Variants in KCNC3 observed in about 807,000 individuals in gnomAD.
KCNC3 encodes the protein potassium voltage-gated channel subfamily C member 3.
In KCNC3, 22 loss-of-function variants were observed where a neutral mutation model predicts 43.9. That is an observed-to-expected ratio of 0.50 (90% CI 0.36 to 0.72). The LOEUF (loss-of-function observed/expected upper bound fraction) is 0.72. Among genes scored for constraint, KCNC3 ranks in the 30% least tolerant of loss-of-function variants. The probability of loss-of-function intolerance (pLI) is 0.00; values close to 1 mark genes in which losing one functional copy is unlikely to be tolerated. For missense variants in KCNC3, 829 were observed against 1,073.8 expected (o/e 0.77, Z 3.19); for synonymous variants, 492 against 488.0 (o/e 1.01, Z -0.11).
chr19:50,317,173 TG>T (rs1005754048), intron 4 of KCNC3, among the ~76,000 whole-genome samples: 3 of 118,390 alleles, frequency 2.5e-5, no homozygotes, highest in African/African-American at 6.6e-5. Context: ...GGGAGGGGAG[TG>T]GGGGGGTAAT....
intron 4 of KCNC3, among the ~76,000 whole-genome samples, chr19:50,317,766 T>C (rs887131525): frequency 6.6e-6 from 1 of 152,208 alleles, no homozygotes; most frequent in African/African-American, 2.4e-5. Context: ...CTCCAGGTTC[T>C]GTGTCACCTC....
At chr19:50,317,377 T>A (rs2123519951) in intron 4 of KCNC3, among the ~76,000 whole-genome samples, 1 of 152,044 alleles carries the variant, frequency 6.6e-6, no homozygotes, top group Admixed American at 6.5e-5. Context: ...GGGGTTTAGG[T>A]GAGGCCATTC....
Position 50,314,782 on chromosome 19 carries a change from A to T in KCNC3, c.*1333T>A. On this transcript the variant is annotated 3_prime_UTR_variant, in exon 5 of 5. Coordinates refer to ENST00000477616, the MANE Select transcript of KCNC3 (RefSeq NM_004977.3). ...TTTTTTTAAAAAAACCCTTTTCCCCACCCCCCACCCCCAGCTCCTTTGACC... is the reference window on the plus strand; with the variant it reads ...TTTTTTTAAAAAAACCCTTTTCCCCTCCCCCCACCCCCAGCTCCTTTGACC... 2.7e-6 allele frequency: 1 copy of T among 366,446 alleles called. No individual in the cohort carries two copies. Among genetic ancestry groups the T allele is most frequent in the Non-Finnish European group, 5.4e-6 (1 of 184,666 alleles). 22.7% of individuals were successfully genotyped at this position (366,446 alleles called of 1,614,324 possible). A position where few individuals can be genotyped will look rare whatever the true frequency, so the allele number is the denominator to read the frequency against.
intron 1 of KCNC3, among the ~76,000 whole-genome samples, chr19:50,327,871 C>A (rs2037124859): frequency 6.6e-6 from 1 of 151,262 alleles, no homozygotes; most frequent in African/African-American, 2.4e-5. Context: ...CTCAGAGGAG[C>A]CCAGGAAAGG....
upstream of KCNC3, among the ~76,000 whole-genome samples, chr19:50,330,566 A>C (rs936186115): frequency 5.3e-5 from 8 of 152,068 alleles, no homozygotes; most frequent in Admixed American, 2.6e-4. Context: ...GCGAGGCGAG[A>C]ACTTCTAACG....
At position 50,328,443 on chromosome 19, in the gene KCNC3, C is replaced by T. The variant is rs2123545931; in HGVS notation, c.640G>A (p.Ala214Thr). 1 of 1,568,866 alleles carries T rather than the reference C, an allele frequency of 6.4e-7. No homozygotes were observed. The highest frequency in any genetic ancestry group is 1.4e-5 in the African/African-American group (1 of 72,588). ...APDPAGAANA[A>T]NAAGAHDGGL... Reference sequence around the variant, plus strand: ...CCGTCGTGGGCGCCTGCGGCGTTGGCGGCGTTGGCGGCGCCCGCGGGGTCG... The same window carrying T: ...CCGTCGTGGGCGCCTGCGGCGTTGGTGGCGTTGGCGGCGCCCGCGGGGTCG... Residue 214 changes from alanine to threonine, a missense_variant, in exon 1 of 5, where the codon GCC (alanine) becomes ACC (threonine). By Grantham distance (58) the Ala-to-Thr change is moderately conservative. Transcript: ENST00000477616.
At position 50,323,323 on chromosome 19, in the gene KCNC3, T is replaced by A; in HGVS notation, c.1630A>T (p.Met544Leu). The A allele has an allele frequency of 6.2e-7, 1 of 1,613,960 alleles. No homozygotes were observed. The highest frequency in any genetic ancestry group is 8.5e-7 in the Non-Finnish European group (1 of 1,180,030). ...PVPVIVNNFGMYYSLAMAKQK... is the reference protein window; with the variant it reads ...PVPVIVNNFGLYYSLAMAKQK... ...TTGGCCATGGCCAGCGAATAGTACA[T>A]GCCAAAGTTGTTGACAATGACGGGC... Residue 544 changes from methionine to leucine, a missense_variant, in exon 2 of 5, where the codon ATG (methionine) becomes TTG (leucine). This residue lies in a region of KCNC3 where 33 missense variants were observed against 96.0 expected (regional missense o/e 0.34). Coordinates refer to ENST00000477616, the MANE Select transcript of KCNC3 (RefSeq NM_004977.3).
rs2036903976 is a variant in KCNC3 at position 50,313,273 on chromosome 19, G to A, written c.*2842C>T. ...GGGTGTTGTCGGTTCCCAATCTTCT[G>A]ATACTCCAGTGTTCCTCCCTTCGGG... is the stretch of plus-strand genomic sequence containing the variant. On this transcript the variant is annotated 3_prime_UTR_variant, in exon 5 of 5. Transcript: ENST00000477616. The A allele has an allele frequency of 6.6e-6, 1 of 152,142 alleles. No individual in the cohort carries two copies. Among genetic ancestry groups the A allele is most frequent in the East Asian group, 1.9e-4 (1 of 5,180 alleles). 9.4% of individuals were successfully genotyped at this position (152,142 alleles called of 1,614,324 possible).
intron 1 of KCNC3, among the ~76,000 whole-genome samples, chr19:50,327,682 T>G: frequency 6.7e-6 from 1 of 149,594 alleles, no homozygotes; most frequent in African/African-American, 2.5e-5. Flanking sequence ...CCCCAGAGAG[T>G]CTGGAGAAGG....
chr19:50,329,089 GGGGGCGGGGCGGGAGGGGCGGGGACGCA>G lies in KCNC3; in HGVS notation c.-35_-8del. ...CGCAGACTGAGCTCAGCATTGGACG[GGGGGCGGGGCGGGAGGGGCGGGGACGCA>G]GGGGCGGGGACACGGGGGGAGAGAC... is the stretch of plus-strand genomic sequence containing the variant. On this transcript the variant is annotated 5_prime_UTR_variant, in exon 1 of 5. Transcript: ENST00000477616. 7 of 1,013,186 alleles carry G rather than the reference GGGGGCGGGGCGGGAGGGGCGGGGACGCA, an allele frequency of 6.9e-6. No individual in the cohort carries two copies. Among genetic ancestry groups the G allele is most frequent in the Non-Finnish European group, 9.2e-6 (7 of 758,002 alleles). The allele number at this position is 1,013,186 out of a possible 1,614,324, so 62.8% of individuals were successfully genotyped here.
At chr19:50,326,971 G>A (rs2037115447) in intron 1 of KCNC3, among the ~76,000 whole-genome samples, 1 of 152,074 alleles carries the variant, frequency 6.6e-6, no homozygotes, top group South Asian at 2.1e-4. Flanking sequence ...GGAATCCCAG[G>A]GCAAGGTAGA....
rs530161640 is a variant in KCNC3, at chr19:50,321,935, A to G, written c.1978+1040T>C. Reference sequence around the variant, plus strand: ...ATGGCTGGAGAGGATGTGGCAAGCTAGGAAGTGGCTGTTCAGGGAAGAGTG... The same window carrying G: ...ATGGCTGGAGAGGATGTGGCAAGCTGGGAAGTGGCTGTTCAGGGAAGAGTG... On this transcript the variant is annotated intron_variant, in intron 2 of 4. Coordinates refer to ENST00000477616, the MANE Select transcript of KCNC3 (RefSeq NM_004977.3). 2.7e-4 allele frequency among the ~76,000 whole-genome samples: 41 copies of G among 152,102 alleles called. 1 individual carries two copies. The South Asian group carries it at 5.6e-3, about 21-fold the overall frequency.
chr19:50,323,975 G>A lies in KCNC3; in HGVS notation c.978C>T (p.Ala326=). The change falls in exon 2 of 5, where the codon GCC becomes GCT. Residue 326 remains alanine (A), a synonymous_variant. Coordinates refer to ENST00000477616, the MANE Select transcript of KCNC3 (RefSeq NM_004977.3). ...IHISNKTVTQ[A]SPIPGAPPEN... is the part of the protein sequence containing the mutation. ...CCGGAGGTGCCCCGGGGATCGGGGA[G>A]GCCTGGGTCACCGTCTTGTTGCTAA... The A allele has an allele frequency of 1.2e-6, 2 of 1,613,372 alleles. No homozygotes were observed. The highest frequency in any genetic ancestry group is 8.5e-7 in the Non-Finnish European group (1 of 1,179,292).
Position 50,323,960 on chromosome 19 carries a change from C to A in KCNC3, c.993G>T (p.Gly331=). The change falls in exon 2 of 5, where the codon GGG becomes GGT. Residue 331 remains glycine (G), a synonymous_variant. Coordinates refer to ENST00000477616, the MANE Select transcript of KCNC3 (RefSeq NM_004977.3). ...CGTTGGTGATGTTCTCCGGAGGTGC[C>A]CCGGGGATCGGGGAGGCCTGGGTCA... ...KTVTQASPIP[G]APPENITNVE... 6.2e-7 allele frequency: 1 copy of A among 1,613,670 alleles called. No homozygotes were observed. Among genetic ancestry groups the A allele is most frequent in the Non-Finnish European group, 8.5e-7 (1 of 1,179,566 alleles).
At chr19:50,327,062 T>C (rs756880737) in intron 1 of KCNC3, among the ~76,000 whole-genome samples, 11 of 151,086 alleles carry the variant, frequency 7.3e-5, no homozygotes, top group Non-Finnish European at 1.3e-4. Flanking sequence ...TTAGAAAAAG[T>C]TCTAGAGCAG....
chr19:50,326,240 C>A (rs2037104127), intron 1 of KCNC3, among the ~76,000 whole-genome samples: 2 of 152,222 alleles, frequency 1.3e-5, no homozygotes, highest in South Asian at 4.1e-4. Flanking sequence ...GAACACCTAG[C>A]CTGACCATCA....
intron 4 of KCNC3, among the ~76,000 whole-genome samples, chr19:50,317,003 C>G (rs2036963372): frequency 1.3e-5 from 2 of 151,420 alleles, no homozygotes; most frequent in African/African-American, 4.9e-5. Flanking sequence ...GCAGGGACCT[C>G]CCCCACCCAG....
Position 50,320,585 on chromosome 19 carries a change from C to G in KCNC3, c.2170+8G>C. On this transcript the variant is annotated splice_region_variant and intron_variant, in intron 3 of 4. Transcript: ENST00000477616. Reference sequence around the variant, plus strand: ...GGTCCCAGGGGATCAGTAGGGGGGGCACCTCACCTTTTCGGATGGAGCCAT... The same window carrying G: ...GGTCCCAGGGGATCAGTAGGGGGGGGACCTCACCTTTTCGGATGGAGCCAT... 1.2e-6 allele frequency: 2 copies of G among 1,609,452 alleles called. No individual in the cohort carries two copies. Among genetic ancestry groups the G allele is most frequent in the South Asian group, 1.1e-5 (1 of 90,556 alleles).
In KCNC3 at chr19:50,313,395, G is replaced by A. The variant is rs765409139; in HGVS notation, c.*2720C>T. On this transcript the variant is annotated 3_prime_UTR_variant, in exon 5 of 5. Coordinates refer to ENST00000477616, the MANE Select transcript of KCNC3 (RefSeq NM_004977.3). ...CCAAGCAGCGATGCCTGCACTTATC[G>A]GCTTCTGTACAAAATGCGTATTAGA... 2.2e-4 allele frequency: 33 copies of A among 152,170 alleles called. No individual in the cohort carries two copies. The highest frequency in any genetic ancestry group is 2.1e-3 in the Admixed American group (32 of 15,280). The allele number at this position is 152,170 out of a possible 1,614,324, so 9.4% of individuals were successfully genotyped here. A position where few individuals can be genotyped will look rare whatever the true frequency, so the allele number is the denominator to read the frequency against.
Sources: gnomAD v4.1 joint callset for allele counts (sites outside exome capture counted in the v4.1 genomes callset) on GRCh38, gnomAD v4.1.1 for gene constraint, gnomAD v4.1.1 regional missense constraint, MANE v1.5 for transcripts, NCBI Gene and HGNC (gene_info 2026-07-23, HGNC 2026-07-21) for gene names.